Variants in DLG2 observed in about 807,000 individuals in gnomAD.
The protein encoded by DLG2 is discs large MAGUK scaffold protein 2.
DLG2 carries 45 observed loss-of-function variants against 132.5 expected under a neutral mutation model. That is an observed-to-expected ratio of 0.34 (90% CI 0.27 to 0.44). The LOEUF (loss-of-function observed/expected upper bound fraction) is 0.44. Among genes scored for constraint, DLG2 ranks in the 20% least tolerant of loss-of-function variants. The probability of loss-of-function intolerance (pLI) is 1.00; values close to 1 mark genes in which losing one functional copy is unlikely to be tolerated. For synonymous variants in DLG2, 424 were observed against 419.6 expected (o/e 1.01, Z -0.13); for missense variants, 1,045 against 1,196.9 (o/e 0.87, Z 1.87).
intron 4 of DLG2, among the ~76,000 whole-genome samples, chr11:85,198,216 T>A (rs2081203808): frequency 6.6e-6 from 1 of 152,194 alleles, no homozygotes; most frequent in Non-Finnish European, 1.5e-5. Flanking sequence ...GATTTCGTTG[T>A]AGTTCCAATT....
chr11:83,578,864 G>T (rs2096924441), intron 19 of DLG2, among the ~76,000 whole-genome samples: 1 of 152,150 alleles, frequency 6.6e-6, no homozygotes, highest in Non-Finnish European at 1.5e-5. Context: ...ATATTTCTGG[G>T]TCATAAAACA....
At chr11:85,372,397 A>G (rs1415868886) in intron 3 of DLG2, among the ~76,000 whole-genome samples, 2 of 152,200 alleles carry the variant, frequency 1.3e-5, no homozygotes, top group Non-Finnish European at 2.9e-5. Context: ...AGCTTTACTT[A>G]GCCTTTGGTT....
At chr11:85,283,946 C>T (rs1439376751) in intron 4 of DLG2, among the ~76,000 whole-genome samples, 1 of 149,628 alleles carries the variant, frequency 6.7e-6, no homozygotes, top group Non-Finnish European at 1.5e-5. Flanking sequence ...TTATTCAAAG[C>T]AGGAAATTGA....
At chr11:84,167,284 C>G (rs1222994901) in intron 8 of DLG2, among the ~76,000 whole-genome samples, 2 of 152,220 alleles carry the variant, frequency 1.3e-5, no homozygotes, top group East Asian at 3.9e-4. Flanking sequence ...TGTAGCCTTC[C>G]TAGAATCATA....
chr11:83,884,738 C>G (rs2067323964), intron 15 of DLG2, among the ~76,000 whole-genome samples: 1 of 152,180 alleles, frequency 6.6e-6, no homozygotes, highest in South Asian at 2.1e-4. Flanking sequence ...AGATACTCCT[C>G]TGAGACAAAA....
At position 84,485,773 on chromosome 11, in the gene DLG2, GTTTCT is replaced by G. The variant is rs1416955711; in HGVS notation, c.519+48792_519+48796del. Among the ~76,000 whole-genome samples, 4 of 152,202 alleles carry G rather than the reference GTTTCT, an allele frequency of 2.6e-5. No individual in the cohort carries two copies. The East Asian group carries it at 7.7e-4, about 29-fold the overall frequency. ...CTCATTAAATGTTAATTCTCTTCCT[GTTTCT>G]TTTATTATTTTGTGTTAATCTGGTT... is the stretch of plus-strand genomic sequence containing the variant. On this transcript the variant is annotated intron_variant, in intron 7 of 27. Coordinates refer to ENST00000376104, the MANE Select transcript of DLG2 (RefSeq NM_001142699.3).
intron 11 of DLG2, among the ~76,000 whole-genome samples, chr11:84,025,233 T>C (rs1259038520): frequency 6.6e-6 from 1 of 152,114 alleles, no homozygotes; most frequent in East Asian, 1.9e-4. Flanking sequence ...CTCACAATCA[T>C]GGTGGAAGGC....
At chr11:83,539,879 G>A (rs935421511) in intron 20 of DLG2, among the ~76,000 whole-genome samples, 1 of 152,166 alleles carries the variant, frequency 6.6e-6, no homozygotes, top group Non-Finnish European at 1.5e-5. Flanking sequence ...ATGTTCTTCT[G>A]GAGAAAAATG....
intron 6 of DLG2, among the ~76,000 whole-genome samples, chr11:84,795,521 C>T (rs1598316619): frequency 6.6e-6 from 1 of 152,156 alleles, no homozygotes; most frequent in East Asian, 1.9e-4. Context: ...CTGAGCTGTT[C>T]TGTCACTCAG....
At chr11:83,948,897 T>C (rs140407651) in intron 14 of DLG2, among the ~76,000 whole-genome samples, 1 of 152,324 alleles carries the variant, frequency 6.6e-6, no homozygotes, top group East Asian at 1.9e-4. Flanking sequence ...AGACAAATAC[T>C]TATCTTTTCA....
chr11:83,526,384 C>T (rs2095610973), intron 21 of DLG2, among the ~76,000 whole-genome samples: 1 of 152,178 alleles, frequency 6.6e-6, no homozygotes, highest in African/African-American at 2.4e-5. Flanking sequence ...CTTCCCACAG[C>T]TGCCAGACTG....
At chr11:83,743,215 C>T (rs939909213) in intron 18 of DLG2, among the ~76,000 whole-genome samples, 1 of 152,030 alleles carries the variant, frequency 6.6e-6, no homozygotes, top group African/African-American at 2.4e-5. Context: ...ATGGGACTAC[C>T]CTCCATAGTC....
intron 6 of DLG2, among the ~76,000 whole-genome samples, chr11:84,844,389 G>T (rs2081208495): frequency 6.6e-6 from 1 of 151,318 alleles, no homozygotes; most frequent in Non-Finnish European, 1.5e-5. Context: ...GATTAGTATT[G>T]GTAATCTCAG....
chr11:83,906,357 C>T (rs556532584), intron 15 of DLG2, among the ~76,000 whole-genome samples: 1 of 150,296 alleles, frequency 6.7e-6, no homozygotes, highest in Non-Finnish European at 1.5e-5. Context: ...CCAGCACCAG[C>T]CACCACACCT....
intron 6 of DLG2, among the ~76,000 whole-genome samples, chr11:84,922,723 A>G (rs561228162): frequency 8.5e-5 from 13 of 152,286 alleles, no homozygotes; most frequent in South Asian, 4.1e-4. Flanking sequence ...TTTTTAAAAG[A>G]AAGACAAAAT....
chr11:83,899,965 G>A (rs942212726), intron 15 of DLG2, among the ~76,000 whole-genome samples: 3 of 152,198 alleles, frequency 2.0e-5, no homozygotes, highest in Non-Finnish European at 4.4e-5. Context: ...AATGCTGATA[G>A]TGATATGGAC....
chr11:85,534,871 C>T (rs907238077), intron 3 of DLG2, among the ~76,000 whole-genome samples: 1 of 152,128 alleles, frequency 6.6e-6, no homozygotes, highest in Non-Finnish European at 1.5e-5. Context: ...GGGATTGCTG[C>T]GTTGGATGGC....
At position 83,906,719 on chromosome 11, in the gene DLG2, T is replaced by C. The variant is rs536329138; in HGVS notation, c.1496+23609A>G. On this transcript the variant is annotated intron_variant, in intron 15 of 27. Transcript: ENST00000376104. ...ATGAATCTCATCGAGGTTAAGAAAC[T>C]TCACCAAGGTAATTGGGTCAATGAG... Among the ~76,000 whole-genome samples the C allele has an allele frequency of 9.9e-5, 15 of 152,216 alleles. No homozygotes were observed. The South Asian group carries it at 2.5e-3, about 25-fold the overall frequency.
At chr11:84,925,477 C>G (rs952026795) in intron 6 of DLG2, among the ~76,000 whole-genome samples, 1 of 152,106 alleles carries the variant, frequency 6.6e-6, no homozygotes, top group African/African-American at 2.4e-5. Context: ...GATTTACTGC[C>G]TAATTTTCTT....
Sources: gnomAD v4.1 joint callset for allele counts (sites outside exome capture counted in the v4.1 genomes callset) on GRCh38, gnomAD v4.1.1 for gene constraint, MANE v1.5 for transcripts, NCBI Gene and HGNC (gene_info 2026-07-23, HGNC 2026-07-21) for gene names.